Variants in FGD4 observed in about 807,000 individuals in gnomAD.
The protein encoded by FGD4 is FYVE, RhoGEF and PH domain containing 4.
In FGD4, 42 loss-of-function variants were observed where a neutral mutation model predicts 102.0. The ratio of observed to expected loss-of-function variants is 0.41; its 90% CI spans 0.32 to 0.53. The LOEUF (loss-of-function observed/expected upper bound fraction) is 0.53, where lower values mean the gene tolerates loss of function less well. Ranked by LOEUF, FGD4 falls within the 20% of genes least tolerant of loss-of-function variation. The pLI is 0.21. For missense variants in FGD4, 902 were observed against 1,078.2 expected, an observed-to-expected ratio of 0.84 and a Z score of 2.29; for synonymous variants, 380 against 375.7, an observed-to-expected ratio of 1.01 and a Z score of -0.13.
intron 1 of FGD4, among the ~76,000 whole-genome samples, chr12:32,525,617 T>C (rs934741250): frequency 6.6e-6 from 1 of 152,228 alleles, no homozygotes; most frequent in Non-Finnish European, 1.5e-5. Context: ...TGGGAGCCCC[T>C]TTCTGGGCTG....
Position 32,641,212 on chromosome 12 carries a change from T to A in FGD4, c.*679T>A, listed in dbSNP as rs905293561. ...TCACATTCATCTCTAATTTATTTTT[T>A]AAATATAAAGCATGGTTTATCGTGG... On this transcript the variant is annotated 3_prime_UTR_variant, in exon 17 of 17. Transcript: ENST00000534526. 3 of 152,144 alleles carry A rather than the reference T, an allele frequency of 2.0e-5. No individual in the cohort carries two copies. The highest frequency in any genetic ancestry group is 7.2e-5 in the African/African-American group (3 of 41,438). The allele number at this position is 152,144 out of a possible 1,614,324, so 9.4% of individuals were successfully genotyped here.
chr12:32,625,878 A>C (rs1375617420), intron 14 of FGD4, 99 bp downstream of exon 14: 2 of 1,526,284 alleles, frequency 1.3e-6, no homozygotes, highest in African/African-American at 2.7e-5. Context: ...TCAACAAATC[A>C]CTTAATAAAT....
At chr12:32,447,891 A>T (rs1205057213) in intron 1 of FGD4, among the ~76,000 whole-genome samples, 1 of 152,338 alleles carries the variant, frequency 6.6e-6, no homozygotes, top group African/African-American at 2.4e-5. Context: ...TGGTTGAAAT[A>T]TATGTAAGAG....
chr12:32,482,948 T>C (rs557379810), intron 1 of FGD4, among the ~76,000 whole-genome samples: 1 of 152,322 alleles, frequency 6.6e-6, no homozygotes, highest in South Asian at 2.1e-4. Flanking sequence ...TCAACACCTA[T>C]TAATGACTTT....
chr12:32,493,071 G>A (rs923510159), intron 1 of FGD4, among the ~76,000 whole-genome samples: 4 of 152,178 alleles, frequency 2.6e-5, no homozygotes, highest in Non-Finnish European at 4.4e-5. Flanking sequence ...ATTGCATAGG[G>A]TTGGGATTTA....
rs903585667 is a variant in FGD4 at position 32,575,271 on chromosome 12, G to T, written c.320-995G>T. 3.3e-5 allele frequency among the ~76,000 whole-genome samples: 5 copies of T among 152,294 alleles called. No individual in the cohort carries two copies. In the South Asian group the frequency reaches 8.3e-4, roughly 25 times the overall value. On this transcript the variant is annotated intron_variant, in intron 2 of 16. Transcript: ENST00000534526. ...TATTGGGCTCACAGTTCTGCAGGCT[G>T]TACAGGAAGCACAGTGCCACCATCT...
At chr12:32,599,643 G>T (rs1391048153) in intron 5 of FGD4, among the ~76,000 whole-genome samples, 1 of 122,032 alleles carries the variant, frequency 8.2e-6, no homozygotes, top group African/African-American at 3.2e-5. Context: ...CTACTCCCAG[G>T]TTCAAGCAAT....
intron 2 of FGD4, among the ~76,000 whole-genome samples, chr12:32,571,956 CT>C (rs761595298): frequency 4.6e-5 from 7 of 152,050 alleles, no homozygotes; most frequent in Non-Finnish European, 1.0e-4. Context: ...ATCCCAGCTA[CT>C]CTGGAGACTG....
intron 1 of FGD4, among the ~76,000 whole-genome samples, chr12:32,517,944 C>T (rs1267167407): frequency 6.6e-6 from 1 of 151,746 alleles, no homozygotes; most frequent in African/African-American, 2.4e-5. Flanking sequence ...TCCCTCCCAC[C>T]CAACCCCCAA....
intron 1 of FGD4, among the ~76,000 whole-genome samples, chr12:32,456,601 A>T (rs1049918385): frequency 6.6e-6 from 1 of 152,160 alleles, no homozygotes; most frequent in Non-Finnish European, 1.5e-5. Context: ...GCTGCCAAAT[A>T]TTATCATTAA....
In FGD4 at chr12:32,399,972, G is replaced by C; in HGVS notation, c.166+13G>C. 2.1e-6 allele frequency: 3 copies of C among 1,448,670 alleles called. No individual in the cohort carries two copies. Among genetic ancestry groups the C allele is most frequent in the Non-Finnish European group, 2.7e-6 (3 of 1,107,098 alleles). The allele number at this position is 1,448,670 out of a possible 1,614,324, so 89.7% of individuals were successfully genotyped here. On this transcript the variant is annotated intron_variant, in intron 1 of 16. Transcript: ENST00000534526. ...TCAGGAGCCACAGGTAAGCGCCTCG[G>C]GGCGCGGGGGAAGGGTGGCCCCGGC...
chr12:32,501,652 C>T (rs566438195), intron 1 of FGD4, among the ~76,000 whole-genome samples: 1 of 152,226 alleles, frequency 6.6e-6, no homozygotes, highest in South Asian at 2.1e-4. Flanking sequence ...TTTTTGAAAA[C>T]TTTATTTTCA....
intron 1 of FGD4, among the ~76,000 whole-genome samples, chr12:32,445,691 G>A (rs1175853948): frequency 6.6e-6 from 1 of 152,148 alleles, no homozygotes; most frequent in African/African-American, 2.4e-5. Context: ...ATTCAAGACT[G>A]GGAGTTGGGC....
chr12:32,420,909 A>T (rs1274153594), intron 1 of FGD4, among the ~76,000 whole-genome samples: 2 of 152,088 alleles, frequency 1.3e-5, no homozygotes, highest in African/African-American at 2.4e-5. Flanking sequence ...ATTTTTTTAA[A>T]GAGACAGGGT....
intron 1 of FGD4, among the ~76,000 whole-genome samples, chr12:32,551,688 A>G (rs1201405079): frequency 6.6e-6 from 1 of 152,218 alleles, no homozygotes; most frequent in African/African-American, 2.4e-5. Flanking sequence ...GATCAAGGAA[A>G]GTTGCCTAAG....
intron 10 of FGD4, among the ~76,000 whole-genome samples, chr12:32,611,801 A>C (rs1050896843): frequency 6.6e-6 from 1 of 152,138 alleles, no homozygotes; most frequent in Non-Finnish European, 1.5e-5. Context: ...GCCCATCTGG[A>C]GCAGTTGCTG....
At chr12:32,537,251 T>A (rs1193929997) in intron 1 of FGD4, among the ~76,000 whole-genome samples, 7 of 152,190 alleles carry the variant, frequency 4.6e-5, no homozygotes, top group Non-Finnish European at 1.5e-5. Context: ...AAAAACCTAG[T>A]CTTCCTTGAG....
chr12:32,457,732 TA>T (rs1168095333), intron 1 of FGD4, among the ~76,000 whole-genome samples: 1 of 152,186 alleles, frequency 6.6e-6, no homozygotes, highest in Non-Finnish European at 1.5e-5. Context: ...CAGGTACTAT[TA>T]AAAATATTAC....
At chr12:32,627,863 A>T (rs556545717) in intron 14 of FGD4, among the ~76,000 whole-genome samples, 3 of 152,194 alleles carry the variant, frequency 2.0e-5, no homozygotes, top group African/African-American at 7.2e-5. Context: ...AAACAGGCTG[A>T]TGGTTAATGA....
Sources: gnomAD v4.1 joint callset for allele counts (sites outside exome capture counted in the v4.1 genomes callset) on GRCh38, gnomAD v4.1.1 for gene constraint, MANE v1.5 for transcripts, NCBI Gene and HGNC (gene_info 2026-07-23, HGNC 2026-07-21) for gene names.